Variants in ERGIC1 observed in about 807,000 individuals in gnomAD.
ERGIC1 encodes the protein endoplasmic reticulum-golgi intermediate compartment 1, also known as endoplasmic reticulum-Golgi intermediate compartment protein 1.
A neutral mutation model predicts 38.3 loss-of-function variants in ERGIC1; 19 were observed. The observed-to-expected ratio is 0.50, with a 90% CI of 0.35 to 0.73. The LOEUF (loss-of-function observed/expected upper bound fraction) is 0.73, where lower values mean the gene tolerates loss of function less well. ERGIC1 is among the 30% of genes least tolerant of loss of function. The probability of loss-of-function intolerance (pLI) is 0.01; values close to 1 mark genes in which losing one functional copy is unlikely to be tolerated. For missense variants in ERGIC1, 294 were observed against 389.2 expected, an observed-to-expected ratio of 0.76 and a Z score of 2.06; for synonymous variants, 124 against 157.6, an observed-to-expected ratio of 0.79 and a Z score of 1.60.
chr5:172,860,556 G>T (rs1428761892), intron 1 of ERGIC1, among the ~76,000 whole-genome samples: 1 of 152,240 alleles, frequency 6.6e-6, no homozygotes, highest in African/African-American at 2.4e-5. Flanking sequence ...CTCTTTGGAT[G>T]CAGGGATGGG....
chr5:172,834,448 C>T lies in ERGIC1; in HGVS notation c.20+15C>T. On this transcript the variant is annotated intron_variant, in intron 1 of 9. Coordinates refer to ENST00000393784, the MANE Select transcript of ERGIC1 (RefSeq NM_001031711.3). This position sits in a 1 kb window ranked among gnomAD's most constrained non-coding sequence, Gnocchi z 4.1. ...GACTTCAGGAGGTGAGTGTGGCGAC[C>T]CCGGCCAGTCGGGAGTTCCCTCAGC... The T allele has an allele frequency of 7.6e-7, 1 of 1,323,818 alleles. No individual in the cohort carries two copies. Among genetic ancestry groups the T allele is most frequent in the African/African-American group, 1.5e-5 (1 of 65,436 alleles). 82.0% of individuals were successfully genotyped at this position (1,323,818 alleles called of 1,614,324 possible). A position where few individuals can be genotyped will look rare whatever the true frequency, so the allele number is the denominator to read the frequency against.
intron 1 of ERGIC1, among the ~76,000 whole-genome samples, chr5:172,845,486 A>G (rs1247485339): frequency 2.0e-5 from 3 of 152,212 alleles, no homozygotes; most frequent in East Asian, 3.8e-4. Flanking sequence ...CAGCTGGGCC[A>G]TAGAGTCATC....
At chr5:172,924,563 C>G (rs1354483151) in intron 6 of ERGIC1, among the ~76,000 whole-genome samples, 1 of 152,002 alleles carries the variant, frequency 6.6e-6, no homozygotes. Context: ...GTTGGTGACT[C>G]AGAGCACCCA....
At chr5:172,887,743 G>A (rs1762458200) in intron 1 of ERGIC1, among the ~76,000 whole-genome samples, 1 of 152,216 alleles carries the variant, frequency 6.6e-6, no homozygotes, top group South Asian at 2.1e-4. Flanking sequence ...CTTCTGTGAG[G>A]GAAAGAAATC....
At chr5:172,905,834 G>A (rs1763004803) in intron 3 of ERGIC1, among the ~76,000 whole-genome samples, 2 of 152,216 alleles carry the variant, frequency 1.3e-5, no homozygotes, top group African/African-American at 4.8e-5. Context: ...GCCCAATCCA[G>A]CTCGAATGCC....
rs372693294 is a variant in ERGIC1, at chr5:172,950,854, C to G, written c.*38C>G. 6.4e-7 allele frequency: 1 copy of G among 1,560,968 alleles called. No homozygotes were observed. The highest frequency in any genetic ancestry group is 2.3e-5 in the East Asian group (1 of 43,390). On this transcript the variant is annotated 3_prime_UTR_variant, in exon 10 of 10. Coordinates refer to ENST00000393784, the MANE Select transcript of ERGIC1 (RefSeq NM_001031711.3). ...CCTAATGGCCGAGGACCCTGGGCAT[C>G]GCCAGCCTTGCCTCCAGTGCCCTGT...
chr5:172,907,373 C>G (rs1763061203), intron 3 of ERGIC1, among the ~76,000 whole-genome samples: 1 of 152,126 alleles, frequency 6.6e-6, no homozygotes, highest in Non-Finnish European at 1.5e-5. Context: ...GCCTGGCCAA[C>G]CTGGTGAAAC....
intron 3 of ERGIC1, among the ~76,000 whole-genome samples, chr5:172,904,857 C>A (rs1416180876): frequency 2.0e-5 from 3 of 152,190 alleles, no homozygotes; most frequent in Non-Finnish European, 2.9e-5. Flanking sequence ...CAGCCTGGGG[C>A]CCTCCAGGAA....
At chr5:172,902,052 G>A (rs1169521428) in intron 3 of ERGIC1, among the ~76,000 whole-genome samples, 2 of 152,184 alleles carry the variant, frequency 1.3e-5, no homozygotes, top group Non-Finnish European at 2.9e-5. Flanking sequence ...GTCAAACACG[G>A]GTCTGTGATG....
At chr5:172,892,071 T>TGTTTTG (rs1427185746) in intron 2 of ERGIC1, among the ~76,000 whole-genome samples, 3 of 113,434 alleles carry the variant, frequency 2.6e-5, no homozygotes, top group African/African-American at 8.4e-5. Context: ...TGTTTTTTTT[T>TGTTTTG]TTTTTTTTTT....
chr5:172,910,273 C>T (rs1482398219), intron 4 of ERGIC1, among the ~76,000 whole-genome samples: 1 of 152,038 alleles, frequency 6.6e-6, no homozygotes, highest in Non-Finnish European at 1.5e-5. Context: ...GAGTGGTGTG[C>T]GTGGCAGGGG....
At chr5:172,856,416 T>TC (rs1561703375) in intron 1 of ERGIC1, among the ~76,000 whole-genome samples, 1 of 141,182 alleles carries the variant, frequency 7.1e-6, no homozygotes, top group Non-Finnish European at 1.6e-5. Context: ...AGGGAGTGAA[T>TC]CAGGGTGCTT....
intron 1 of ERGIC1, among the ~76,000 whole-genome samples, chr5:172,872,776 C>G (rs1283463646): frequency 2.0e-5 from 3 of 152,012 alleles, no homozygotes; most frequent in Admixed American, 6.6e-5. Context: ...GATCACACCA[C>G]TGCATTCCAG....
intron 1 of ERGIC1, among the ~76,000 whole-genome samples, chr5:172,879,925 C>T (rs902494193): frequency 7.9e-5 from 12 of 152,346 alleles, no homozygotes; most frequent in Middle Eastern, 3.4e-3. Context: ...CACCCAGCGA[C>T]GGCCCAAAAG....
At chr5:172,855,759 G>A (rs914260232) in intron 1 of ERGIC1, among the ~76,000 whole-genome samples, 2 of 152,164 alleles carry the variant, frequency 1.3e-5, no homozygotes, top group Admixed American at 6.5e-5. Flanking sequence ...CTTCGGGCAC[G>A]GTGAGGAGTG....
chr5:172,901,988 A>G (rs1018276095), intron 3 of ERGIC1, among the ~76,000 whole-genome samples: 2 of 152,190 alleles, frequency 1.3e-5, no homozygotes, highest in Admixed American at 6.5e-5. Flanking sequence ...CAGCTGGGGA[A>G]ACTGAGGCAC....
At chr5:172,914,305 C>G (rs1457062351) in intron 4 of ERGIC1, among the ~76,000 whole-genome samples, 1 of 151,672 alleles carries the variant, frequency 6.6e-6, no homozygotes, top group African/African-American at 2.4e-5. Context: ...TAAGCACTTT[C>G]CACCTAGCGT....
intron 5 of ERGIC1, 101 bp downstream of exon 5, chr5:172,914,939 T>A: frequency 6.4e-7 from 1 of 1,552,224 alleles, no homozygotes. Flanking sequence ...GACCTGACCC[T>A]GACACAGCCC....
At chr5:172,900,332 C>T (rs1762837981) in intron 3 of ERGIC1, among the ~76,000 whole-genome samples, 1 of 152,178 alleles carries the variant, frequency 6.6e-6, no homozygotes, top group Non-Finnish European at 1.5e-5. Flanking sequence ...CGTGCCAGGA[C>T]TTCCTCTCCC....
Sources: allele counts gnomAD v4.1 joint callset (sites outside exome capture counted in the v4.1 genomes callset), GRCh38; gene constraint gnomAD v4.1.1; non-coding constraint Gnocchi (gnomAD v3.1); transcripts MANE v1.5; gene names NCBI Gene and HGNC (gene_info 2026-07-23, HGNC 2026-07-21).